NRXN1: variants seen among roughly 807,000 people sequenced by gnomAD.
The protein encoded by NRXN1 is neurexin 1, also known as neurexin-1.
NRXN1 carries 39 observed loss-of-function variants against 150.9 expected under a neutral mutation model. That is an observed-to-expected ratio of 0.26 (90% confidence interval 0.20 to 0.34). NRXN1 has a LOEUF of 0.34. Among genes scored for constraint, NRXN1 ranks in the 10% least tolerant of loss-of-function variants. The pLI is 1.00. For missense variants in NRXN1, 1,815 were observed against 1,949.9 expected (o/e 0.93, Z 1.30); for synonymous variants, 924 against 757.0 (o/e 1.22, Z -3.62).
At chr2:50,705,536 AT>A (rs1184071506) in intron 5 of NRXN1, among the ~76,000 whole-genome samples, 1 of 152,222 alleles carries the variant, frequency 6.6e-6, no homozygotes, top group African/African-American at 2.4e-5. Flanking sequence ...GGCACTATGA[AT>A]AAGATATATC....
At chr2:50,035,159 C>T (rs1015667976) in intron 21 of NRXN1, among the ~76,000 whole-genome samples, 9 of 152,086 alleles carry the variant, frequency 5.9e-5, no homozygotes, top group African/African-American at 1.9e-4. Context: ...GATATGGGGA[C>T]ATCTAATAAA....
At chr2:50,223,473 T>C (rs1009694230) in intron 18 of NRXN1, among the ~76,000 whole-genome samples, 5 of 151,914 alleles carry the variant, frequency 3.3e-5, no homozygotes, top group South Asian at 2.1e-4. Context: ...TTATGAAATA[T>C]CTTTGCAATA....
At chr2:50,006,469 T>A (rs1414843056) in intron 21 of NRXN1, among the ~76,000 whole-genome samples, 9 of 152,136 alleles carry the variant, frequency 5.9e-5, no homozygotes, top group Non-Finnish European at 1.3e-4. Context: ...GCCCACCATT[T>A]GCCTTTGCAA....
intron 17 of NRXN1, among the ~76,000 whole-genome samples, chr2:50,436,884 G>C (rs2085493873): frequency 6.6e-6 from 1 of 152,082 alleles, no homozygotes; most frequent in Non-Finnish European, 1.5e-5. Context: ...CTAGGATAAA[G>C]AATGCTTATA....
chr2:50,887,502 G>A (rs1414016304), intron 5 of NRXN1, among the ~76,000 whole-genome samples: 2 of 151,352 alleles, frequency 1.3e-5, no homozygotes, highest in Non-Finnish European at 3.0e-5. Flanking sequence ...AGTTGGAAAC[G>A]CAAGAAGCTT....
At chr2:50,766,470 G>A (rs922575194) in intron 5 of NRXN1, among the ~76,000 whole-genome samples, 1 of 152,020 alleles carries the variant, frequency 6.6e-6, no homozygotes, top group African/African-American at 2.4e-5. Context: ...AGAGGCAAGG[G>A]CTGAGTAGGT....
intron 19 of NRXN1, among the ~76,000 whole-genome samples, chr2:50,075,897 C>T (rs1178623503): frequency 6.6e-6 from 1 of 152,162 alleles, no homozygotes; most frequent in Non-Finnish European, 1.5e-5. Flanking sequence ...CTCATCCCCT[C>T]CGCTGGGACT....
At chr2:50,389,778 T>C (rs76108434) in intron 17 of NRXN1, among the ~76,000 whole-genome samples, 4,570 of 152,214 alleles carry the variant, frequency 0.03, 208 homozygotes, top group African/African-American at 0.1. Context: ...CCTATGACCA[T>C]AGGAGAGTAA....
chr2:49,985,614 C>A (rs562742901), intron 21 of NRXN1, among the ~76,000 whole-genome samples: 3 of 152,258 alleles, frequency 2.0e-5, no homozygotes, highest in Admixed American at 2.0e-4. Flanking sequence ...TCTTTAAATG[C>A]TACATTAATT....
At chr2:50,139,674 G>A (rs944037298) in intron 18 of NRXN1, among the ~76,000 whole-genome samples, 2 of 152,108 alleles carry the variant, frequency 1.3e-5, no homozygotes, top group Admixed American at 6.6e-5. Context: ...TTGGCTTGGG[G>A]TAAATATCAA....
intron 9 of NRXN1, among the ~76,000 whole-genome samples, chr2:50,550,095 G>A (rs1452822792): frequency 6.6e-6 from 1 of 151,898 alleles, no homozygotes; most frequent in South Asian, 2.1e-4. Context: ...TGAATTAATC[G>A]TGTATTACAT....
chr2:50,073,375 T>C (rs1696589241), intron 19 of NRXN1, among the ~76,000 whole-genome samples: 1 of 152,186 alleles, frequency 6.6e-6, no homozygotes, highest in South Asian at 2.1e-4. Context: ...CTGAATAAAT[T>C]ACTGAATTCA....
intron 18 of NRXN1, among the ~76,000 whole-genome samples, chr2:50,152,785 T>C (rs2058770334): frequency 6.6e-6 from 1 of 151,808 alleles, no homozygotes; most frequent in Non-Finnish European, 1.5e-5. Flanking sequence ...TTGATTCTAA[T>C]ATGACTCAGT....
rs147658131 is a variant in NRXN1, at chr2:50,573,292, G to C, written c.1321-20267C>G. 3.4e-3 allele frequency among the ~76,000 whole-genome samples: 511 copies of C among 152,052 alleles called. 2 individuals carry two copies. The highest frequency in any genetic ancestry group is 0.012 in the African/African-American group (491 of 41,468). ...GCAGAAGGATCGCTTGAGCTTGTGGGGTTAAGGCTGCAATGAACCGTAACT... is the reference window on the plus strand; with the variant it reads ...GCAGAAGGATCGCTTGAGCTTGTGGCGTTAAGGCTGCAATGAACCGTAACT... On this transcript the variant is annotated intron_variant, in intron 8 of 22. Coordinates refer to ENST00000401669, the MANE Select transcript of NRXN1 (RefSeq NM_001330078.2).
At chr2:49,926,439 A>G (rs1359602808) in intron 22 of NRXN1, 2 of 398,034 alleles carry the variant, frequency 5.0e-6, no homozygotes, top group East Asian at 3.6e-5. Context: ...TTTGTTGTCT[A>G]ATATGTATTG....
At chr2:50,835,527 TA>T (rs1671990511) in intron 5 of NRXN1, among the ~76,000 whole-genome samples, 1 of 152,172 alleles carries the variant, frequency 6.6e-6, no homozygotes, top group Admixed American at 6.5e-5. Context: ...CCTCTGAGTT[TA>T]AAAATGCAAA....
At chr2:50,976,151 A>G (rs976860810) in intron 2 of NRXN1, among the ~76,000 whole-genome samples, 6 of 150,390 alleles carry the variant, frequency 4.0e-5, no homozygotes, top group African/African-American at 1.5e-4. Context: ...TCCCTTTAAG[A>G]CACTCTATTA....
At chr2:50,823,264 C>T (rs2105838591) in intron 5 of NRXN1, among the ~76,000 whole-genome samples, 1 of 152,220 alleles carries the variant, frequency 6.6e-6, no homozygotes, top group East Asian at 1.9e-4. Context: ...AAGTCTATCA[C>T]AAAACTGTTA....
At chr2:50,766,766 G>C (rs546127135) in intron 5 of NRXN1, among the ~76,000 whole-genome samples, 16 of 152,056 alleles carry the variant, frequency 1.1e-4, no homozygotes, top group African/African-American at 3.9e-4. Flanking sequence ...CAATTACCAG[G>C]ACTACATTGT....
Sources: allele counts gnomAD v4.1 joint callset (sites outside exome capture counted in the v4.1 genomes callset), GRCh38; gene constraint gnomAD v4.1.1; transcripts MANE v1.5; gene names NCBI Gene and HGNC (gene_info 2026-07-23, HGNC 2026-07-21).